Variants in CMC2 observed in about 807,000 individuals in gnomAD.
The protein encoded by CMC2 is COX assembly mitochondrial protein 2 homolog.
CMC2 carries 5 observed loss-of-function variants against 7.5 expected under a neutral mutation model. The ratio of observed to expected loss-of-function variants is 0.66; its 90% CI spans 0.35 to 1.40. The LOEUF (loss-of-function observed/expected upper bound fraction) is 1.40. Ranked by LOEUF, CMC2 falls within the 40% of genes most tolerant of loss-of-function variation. The probability of loss-of-function intolerance (pLI) is 0.04; values close to 1 mark genes in which losing one functional copy is unlikely to be tolerated. For synonymous variants in CMC2, 37 were observed against 31.4 expected, an observed-to-expected ratio of 1.18 and a Z score of -0.60; for missense variants, 115 against 92.3, an observed-to-expected ratio of 1.25 and a Z score of -1.01.
At position 80,978,314 on chromosome 16, in the gene CMC2, T is replaced by C. The variant is rs562821120; in HGVS notation, c.154-2135A>G. On this transcript the variant is annotated intron_variant, in intron 3 of 3. Coordinates refer to ENST00000219400, the MANE Select transcript of CMC2 (RefSeq NM_020188.5). The stretch of plus-strand genomic sequence containing the variant: ...GTCTTAAGGGAAACTCTTCAGAAGA[T>C]AATACTTTGTAGCAGGCCAATAAAA... The C allele has an allele frequency of 8.7e-6, 11 of 1,258,166 alleles. 1 individual carries two copies. In the East Asian group the frequency reaches 2.3e-4, roughly 27 times the overall value. 77.9% of individuals were successfully genotyped at this position (1,258,166 alleles called of 1,614,324 possible). A position where few individuals can be genotyped will look rare whatever the true frequency, so the allele number is the denominator to read the frequency against.
At chr16:80,976,200 G>A (rs759772130) in intron 3 of CMC2, 21 bp from the exon 4 acceptor site, 121 of 1,380,874 alleles carry the variant, frequency 8.8e-5, no homozygotes, top group Non-Finnish European at 1.2e-4. Flanking sequence ...AAAGAAGGGG[G>A]GGAGAAAAGA....
Position 80,972,676 on chromosome 16 carries a change from G to C in CMC2, c.*3417C>G, listed in dbSNP as rs1048189639. 2.6e-5 allele frequency: 4 copies of C among 152,182 alleles called. No homozygotes were observed. Among genetic ancestry groups the C allele is most frequent in the South Asian group, 2.1e-4 (1 of 4,828 alleles). 9.4% of individuals were successfully genotyped at this position (152,182 alleles called of 1,614,324 possible). A position where few individuals can be genotyped will look rare whatever the true frequency, so the allele number is the denominator to read the frequency against. ...ATTTCTCAGGAAAACCTTGGCCTAAGTTCTTCAGCTTCCAAGAGATGGTCT... is the reference window on the plus strand; with the variant it reads ...ATTTCTCAGGAAAACCTTGGCCTAACTTCTTCAGCTTCCAAGAGATGGTCT... On this transcript the variant is annotated 3_prime_UTR_variant, in exon 4 of 4. Coordinates refer to ENST00000219400, the MANE Select transcript of CMC2 (RefSeq NM_020188.5).
intron 2 of CMC2, chr16:80,988,725 T>C (rs12925359): frequency 2.6e-5 from 14 of 543,504 alleles, no homozygotes; most frequent in African/African-American, 1.2e-4. Context: ...ATATCATTCA[T>C]GCAAAAGGCA....
intron 1 of CMC2, among the ~76,000 whole-genome samples, chr16:81,004,398 G>A (rs1464646366): frequency 6.6e-6 from 1 of 152,214 alleles, no homozygotes; most frequent in Non-Finnish European, 1.5e-5. Flanking sequence ...GGCTGCTCCT[G>A]GGAGCGACCC....
chr16:81,001,033 T>A (rs967146496), intron 1 of CMC2, among the ~76,000 whole-genome samples: 1 of 152,224 alleles, frequency 6.6e-6, no homozygotes, highest in Non-Finnish European at 1.5e-5. Flanking sequence ...GACGAAATTA[T>A]GTCCTTTGCA....
At chr16:81,004,121 C>T (rs1354399097) in intron 1 of CMC2, among the ~76,000 whole-genome samples, 1 of 152,112 alleles carries the variant, frequency 6.6e-6, no homozygotes, top group Non-Finnish European at 1.5e-5. Context: ...ACTTGGGAGG[C>T]TGAGGCAGGG....
chr16:80,979,207 G>A (rs904482995), intron 3 of CMC2, among the ~76,000 whole-genome samples: 4 of 152,220 alleles, frequency 2.6e-5, no homozygotes, highest in Admixed American at 2.6e-4. Context: ...TGCAGACTCA[G>A]AGATTAGTGA....
intron 2 of CMC2, among the ~76,000 whole-genome samples, chr16:80,993,108 T>G (rs1968137810): frequency 6.6e-6 from 1 of 152,236 alleles, no homozygotes; most frequent in South Asian, 2.1e-4. Flanking sequence ...GTATTCTAAC[T>G]TTTTCCAAAC....
rs917674621 is a variant in CMC2 at position 80,972,134 on chromosome 16, G to A, written c.*3959C>T. 2 of 152,298 alleles carry A rather than the reference G, an allele frequency of 1.3e-5. No individual in the cohort carries two copies. Among genetic ancestry groups the A allele is most frequent in the African/African-American group, 2.4e-5 (1 of 41,450 alleles). The allele number at this position is 152,298 out of a possible 1,614,324, so 9.4% of individuals were successfully genotyped here. ...ATCTGATACCAGAGGCAGGAGACTG[G>A]TAACAATAAAGCATCCCTTTGCTTT... On this transcript the variant is annotated 3_prime_UTR_variant, in exon 4 of 4. Coordinates refer to ENST00000219400, the MANE Select transcript of CMC2 (RefSeq NM_020188.5).
intron 1 of CMC2, among the ~76,000 whole-genome samples, chr16:81,006,208 G>T (rs1840583198): frequency 7.0e-6 from 1 of 141,914 alleles, no homozygotes; most frequent in Admixed American, 7.4e-5. Flanking sequence ...AAGCATTAAA[G>T]GAGAAAAAAG....
intron 2 of CMC2, among the ~76,000 whole-genome samples, chr16:80,985,186 C>T (rs548913246): frequency 6.6e-6 from 1 of 152,148 alleles, no homozygotes; most frequent in Non-Finnish European, 1.5e-5. Flanking sequence ...AAGTGCAGTC[C>T]AGAGACACCG....
chr16:81,003,148 T>C (rs1968992512), intron 1 of CMC2, among the ~76,000 whole-genome samples: 1 of 152,248 alleles, frequency 6.6e-6, no homozygotes, highest in African/African-American at 2.4e-5. Context: ...GGGTGTAATA[T>C]GTAAGGTACA....
chr16:81,002,409 C>T lies in CMC2; in HGVS notation c.-36+4325G>A, dbSNP rs530575793. Among the ~76,000 whole-genome samples the T allele has an allele frequency of 4.6e-5, 7 of 152,204 alleles. No homozygotes were observed. The South Asian group carries it at 1.0e-3, about 23-fold the overall frequency. ...CACTGACCTCCAGCTTGGGTAACAG[C>T]GCAAGTCTCCATCTCAAAAACAACA... On this transcript the variant is annotated intron_variant, in intron 1 of 3. Transcript: ENST00000219400.
chr16:80,979,705 C>G (rs1252262214), intron 3 of CMC2, among the ~76,000 whole-genome samples: 1 of 152,014 alleles, frequency 6.6e-6, no homozygotes, highest in East Asian at 1.9e-4. Context: ...ACCGCAACCT[C>G]CGTCTCCCAG....
intron 1 of CMC2, among the ~76,000 whole-genome samples, chr16:80,999,610 G>C (rs1310318941): frequency 6.6e-6 from 1 of 152,056 alleles, no homozygotes; most frequent in African/African-American, 2.4e-5. Context: ...ATAGCCAAAA[G>C]AATCCTAAGC....
intron 2 of CMC2, among the ~76,000 whole-genome samples, chr16:80,994,432 TAAA>T (rs33941831): frequency 0.66 from 97,834 of 149,310 alleles, 33,776 homozygotes; most frequent in Middle Eastern, 0.81. Flanking sequence ...CTAAAGGAAG[TAAA>T]AAAAAAAAAG....
chr16:80,967,075 A>G lies in CMC2; in HGVS notation c.*9018T>C, dbSNP rs1368186281. 1 of 152,212 alleles carries G rather than the reference A, an allele frequency of 6.6e-6. No individual in the cohort carries two copies. The highest frequency in any genetic ancestry group is 1.9e-4 in the East Asian group (1 of 5,198). 9.4% of individuals were successfully genotyped at this position (152,212 alleles called of 1,614,324 possible). Reference sequence around the variant, plus strand: ...AAATTCATTCATTCAGTGAAAAAGCATTTATTGAATACCAATTATGTGTTA... The same window carrying G: ...AAATTCATTCATTCAGTGAAAAAGCGTTTATTGAATACCAATTATGTGTTA... On this transcript the variant is annotated 3_prime_UTR_variant, in exon 4 of 4. Transcript: ENST00000219400.
chr16:80,986,818 C>G (rs1434315240), intron 2 of CMC2, among the ~76,000 whole-genome samples: 2 of 152,202 alleles, frequency 1.3e-5, no homozygotes, highest in African/African-American at 2.4e-5. Flanking sequence ...ATTGGTGGAA[C>G]AGTTAAGTCC....
At chr16:80,981,675 T>C in intron 3 of CMC2, 131 bp downstream of exon 3, 1 of 579,900 alleles carries the variant, frequency 1.7e-6, no homozygotes, top group Non-Finnish European at 3.0e-6. Flanking sequence ...ACAGAGGAAG[T>C]TCATACATGT....
Sources: allele counts gnomAD v4.1 joint callset (sites outside exome capture counted in the v4.1 genomes callset), GRCh38; gene constraint gnomAD v4.1.1; transcripts MANE v1.5; gene names NCBI Gene and HGNC (gene_info 2026-07-23, HGNC 2026-07-21).